Variants in INPP4B observed in about 807,000 individuals in gnomAD.
INPP4B encodes the protein inositol polyphosphate 4-phosphatase type II.
Under a neutral mutation model 122.5 loss-of-function variants are expected in INPP4B, and 55 were observed. The ratio of observed to expected loss-of-function variants is 0.45; its 90% CI spans 0.36 to 0.56. INPP4B has a LOEUF of 0.56. Ranked by LOEUF, INPP4B falls within the 20% of genes least tolerant of loss-of-function variation. INPP4B has a pLI of 0.00. For synonymous variants in INPP4B, 403 were observed against 388.7 expected, an observed-to-expected ratio of 1.04 and a Z score of -0.43; for missense variants, 1,000 against 1,097.7, an observed-to-expected ratio of 0.91 and a Z score of 1.26.
intron 1 of INPP4B, among the ~76,000 whole-genome samples, chr4:142,769,532 T>C (rs1452170071): frequency 6.6e-6 from 1 of 152,214 alleles, no homozygotes; most frequent in Non-Finnish European, 1.5e-5. Flanking sequence ...TTTAATGATA[T>C]GATGTGAATT....
chr4:142,190,945 C>G (rs1343119183), intron 15 of INPP4B, among the ~76,000 whole-genome samples: 1 of 152,076 alleles, frequency 6.6e-6, no homozygotes, highest in Non-Finnish European at 1.5e-5. Context: ...CTATGCTCAA[C>G]AGGATTCTGA....
At chr4:142,626,667 C>T (rs1235705723) in intron 2 of INPP4B, among the ~76,000 whole-genome samples, 1 of 152,002 alleles carries the variant, frequency 6.6e-6, no homozygotes, top group African/African-American at 2.4e-5. Context: ...CCTATAGAAC[C>T]ATGAACAAAT....
At chr4:142,780,066 T>C (rs1774568301) in intron 1 of INPP4B, among the ~76,000 whole-genome samples, 1 of 152,322 alleles carries the variant, frequency 6.6e-6, no homozygotes, top group South Asian at 2.1e-4. Context: ...ATGTCATTAC[T>C]TTTATATTCA....
intron 9 of INPP4B, among the ~76,000 whole-genome samples, chr4:142,302,891 A>G: frequency 6.6e-6 from 1 of 152,194 alleles, no homozygotes; most frequent in East Asian, 1.9e-4. Flanking sequence ...ATTATTAAAG[A>G]GAACCCAAGT....
Position 142,628,850 on chromosome 4 carries a change from G to C in INPP4B, c.-191+96989C>G, listed in dbSNP as rs1203068085. On this transcript the variant is annotated intron_variant, in intron 2 of 25. Coordinates refer to ENST00000262992, the MANE Select transcript of INPP4B (RefSeq NM_001101669.3). ...AGTGCACAGCCTGCATCACAGGGAA[G>C]GTGTGCTGGGGAGGAGCACAAATAA... Among the ~76,000 whole-genome samples, 3 of 151,992 alleles carry C rather than the reference G, an allele frequency of 2.0e-5. No homozygotes were observed. In the East Asian group the frequency reaches 5.8e-4, roughly 29 times the overall value.
intron 2 of INPP4B, among the ~76,000 whole-genome samples, chr4:142,691,403 C>G (rs1760155714): frequency 6.6e-6 from 1 of 151,718 alleles, no homozygotes; most frequent in African/African-American, 2.4e-5. Context: ...AACAGATGCC[C>G]TAGAAAAATT....
At chr4:142,165,125 T>G (rs1206358866) in intron 16 of INPP4B, among the ~76,000 whole-genome samples, 1 of 151,716 alleles carries the variant, frequency 6.6e-6, no homozygotes, top group East Asian at 1.9e-4. Context: ...CTATCAACTG[T>G]TTTCATTGCA....
At chr4:142,378,860 G>T (rs6845221) in intron 7 of INPP4B, among the ~76,000 whole-genome samples, 2,248 of 152,196 alleles carry the variant, frequency 0.015, 50 homozygotes, top group African/African-American at 0.052. Flanking sequence ...TACCCTTGTT[G>T]CTATGAAGCC....
intron 7 of INPP4B, among the ~76,000 whole-genome samples, chr4:142,332,677 A>C (rs1382548055): frequency 6.6e-6 from 1 of 151,986 alleles, no homozygotes; most frequent in Non-Finnish European, 1.5e-5. Flanking sequence ...ATCATAACAG[A>C]TCTGTGCCTA....
At chr4:142,713,451 T>C (rs1366228081) in intron 2 of INPP4B, among the ~76,000 whole-genome samples, 1 of 152,164 alleles carries the variant, frequency 6.6e-6, no homozygotes, top group Non-Finnish European at 1.5e-5. Flanking sequence ...TCTATTGGAA[T>C]GAGAGAGTAA....
At chr4:142,543,382 A>C (rs1278126119) in intron 2 of INPP4B, among the ~76,000 whole-genome samples, 2 of 152,190 alleles carry the variant, frequency 1.3e-5, no homozygotes, top group Non-Finnish European at 2.9e-5. Flanking sequence ...AACTTTATGC[A>C]AAAGCATTTC....
intron 25 of INPP4B, among the ~76,000 whole-genome samples, chr4:142,043,560 T>C (rs1163818409): frequency 6.6e-6 from 1 of 151,832 alleles, no homozygotes; most frequent in Non-Finnish European, 1.5e-5. Flanking sequence ...TGGAAAGCCA[T>C]GGAAAGAAGA....
chr4:142,360,518 A>G (rs1785040709), intron 7 of INPP4B, among the ~76,000 whole-genome samples: 1 of 152,094 alleles, frequency 6.6e-6, no homozygotes, highest in African/African-American at 2.4e-5. Context: ...TTTATTTCCA[A>G]CGACTACTTC....
chr4:142,049,433 A>G (rs1252620635), intron 25 of INPP4B, among the ~76,000 whole-genome samples: 6 of 152,038 alleles, frequency 3.9e-5, no homozygotes, highest in Non-Finnish European at 8.8e-5. Flanking sequence ...TTATGCCTGA[A>G]AGAAGTTATG....
chr4:142,559,843 T>A (rs1287264809), intron 2 of INPP4B, among the ~76,000 whole-genome samples: 1 of 152,234 alleles, frequency 6.6e-6, no homozygotes, highest in African/African-American at 2.4e-5. Context: ...TATTCTTGCT[T>A]GATCTTCTTC....
At chr4:142,450,114 TCC>T (rs1813816208) in intron 3 of INPP4B, among the ~76,000 whole-genome samples, 1 of 152,106 alleles carries the variant, frequency 6.6e-6, no homozygotes, top group South Asian at 2.1e-4. Context: ...CTAGATTCTG[TCC>T]CCAGCTCTCA....
chr4:142,600,553 C>G (rs536837083), intron 2 of INPP4B, among the ~76,000 whole-genome samples: 1 of 151,824 alleles, frequency 6.6e-6, no homozygotes, highest in Non-Finnish European at 1.5e-5. Flanking sequence ...TAAGTACATA[C>G]AAATAAGTAA....
In INPP4B at chr4:142,023,896, T is replaced by C. The variant is rs942946033; in HGVS notation, c.*4886A>G. 1 of 152,190 alleles carries C rather than the reference T, an allele frequency of 6.6e-6. No homozygotes were observed. Among genetic ancestry groups the C allele is most frequent in the African/African-American group, 2.4e-5 (1 of 41,466 alleles). 9.4% of individuals were successfully genotyped at this position (152,190 alleles called of 1,614,324 possible). ...TTTTAAAAATTTAAAATTCTAAGTA[T>C]GCATGCAATCTGTAAAAATTCCAAT... On this transcript the variant is annotated 3_prime_UTR_variant, in exon 26 of 26. Transcript: ENST00000262992.
At chr4:142,343,228 T>G (rs1352906208) in intron 7 of INPP4B, among the ~76,000 whole-genome samples, 1 of 152,052 alleles carries the variant, frequency 6.6e-6, no homozygotes, top group Admixed American at 6.6e-5. Flanking sequence ...GTAAAACAAT[T>G]TTATGGTCTC....
Sources: allele counts gnomAD v4.1 joint callset (sites outside exome capture counted in the v4.1 genomes callset), GRCh38; gene constraint gnomAD v4.1.1; transcripts MANE v1.5; gene names NCBI Gene and HGNC (gene_info 2026-07-23, HGNC 2026-07-21).